The following SPAG6 variants were observed in gnomAD, a reference collection of about 807,000 sequenced individuals.
SPAG6 encodes the protein sperm associated antigen 6.
Under a neutral mutation model 58.5 loss-of-function variants are expected in SPAG6, and 49 were observed. That is an observed-to-expected ratio of 0.84 (90% CI 0.67 to 1.06). The LOEUF (loss-of-function observed/expected upper bound fraction) is 1.06. SPAG6 is among the 50% of genes least tolerant of loss of function. The pLI, the probability that SPAG6 is intolerant of heterozygous loss-of-function variation, is 0.00. For missense variants in SPAG6, 560 were observed against 611.3 expected (o/e 0.92, Z 0.89); for synonymous variants, 233 against 225.6 (o/e 1.03, Z -0.29).
intron 4 of SPAG6, among the ~76,000 whole-genome samples, chr10:22,375,741 G>A (rs1430922410): frequency 6.6e-6 from 1 of 151,822 alleles, no homozygotes; most frequent in Non-Finnish European, 1.5e-5. Context: ...ACCATGCCTG[G>A]CTAATTTTTG....
At chr10:22,376,462 T>C (rs1833815622) in intron 4 of SPAG6, among the ~76,000 whole-genome samples, 1 of 152,230 alleles carries the variant, frequency 6.6e-6, no homozygotes, top group African/African-American at 2.4e-5. Flanking sequence ...AATATTTCTA[T>C]TGGGTAGCAC....
intron 4 of SPAG6, among the ~76,000 whole-genome samples, chr10:22,374,645 G>A (rs985680142): frequency 3.3e-4 from 49 of 150,540 alleles, no homozygotes; most frequent in African/African-American, 1.1e-3. Flanking sequence ...ATGTTGTGGT[G>A]TGCACCTGTG....
intron 2 of SPAG6, among the ~76,000 whole-genome samples, chr10:22,351,252 GTAT>G (rs1836720072): frequency 6.6e-6 from 1 of 152,196 alleles, no homozygotes; most frequent in Non-Finnish European, 1.5e-5. Context: ...AGTGGGAGTA[GTAT>G]TTAGTGTTTA....
chr10:22,349,219 G>GTT (rs1048468677), intron 2 of SPAG6, among the ~76,000 whole-genome samples: 3 of 145,830 alleles, frequency 2.1e-5, no homozygotes, highest in African/African-American at 5.0e-5. Flanking sequence ...ACCTTGAGGT[G>GTT]TTTTTTTTTT....
At chr10:22,348,524 A>G (rs910602128) in intron 2 of SPAG6, among the ~76,000 whole-genome samples, 1 of 152,156 alleles carries the variant, frequency 6.6e-6, no homozygotes, top group African/African-American at 2.4e-5. Context: ...TCCCTCCAAT[A>G]TGCTAAGTAA....
chr10:22,396,372 T>C (rs565875467), intron 8 of SPAG6, among the ~76,000 whole-genome samples: 88 of 152,312 alleles, frequency 5.8e-4, no homozygotes, highest in Middle Eastern at 6.8e-3. Flanking sequence ...TCATTTTCTC[T>C]TGCTGCTGCC....
chr10:22,358,220 A>G (rs1311509616), intron 2 of SPAG6, among the ~76,000 whole-genome samples: 2 of 152,056 alleles, frequency 1.3e-5, no homozygotes, highest in Non-Finnish European at 2.9e-5. Flanking sequence ...AAGTGTTCCT[A>G]TTTCTCCACA....
At chr10:22,401,965 A>C (rs1176676365) in intron 9 of SPAG6, among the ~76,000 whole-genome samples, 2 of 152,176 alleles carry the variant, frequency 1.3e-5, no homozygotes, top group African/African-American at 2.4e-5. Context: ...TGACTTAGGA[A>C]AATGGGGTCT....
chr10:22,391,168 G>A (rs1037500779), intron 7 of SPAG6, among the ~76,000 whole-genome samples: 1 of 152,128 alleles, frequency 6.6e-6, no homozygotes, highest in Non-Finnish European at 1.5e-5. Context: ...ATGTTAAAGT[G>A]GAAAGAACTA....
chr10:22,385,936 G>A (rs1047121135), intron 4 of SPAG6, among the ~76,000 whole-genome samples: 4 of 152,162 alleles, frequency 2.6e-5, no homozygotes, highest in African/African-American at 9.7e-5. Context: ...CTGTAACTGT[G>A]TGTGGTGCTT....
At position 22,401,257 on chromosome 10, in the gene SPAG6, G is replaced by A; in HGVS notation, c.1294G>A (p.Val432Met). Reference protein sequence around the residue: ...YDAPPNILKHVVGQFSKVLPH... With the variant: ...YDAPPNILKHMVGQFSKVLPH... ...TGCTCCTCCCAATATTCTGAAACATGTGGTTGGACAGTTCAGTAAGGTAAG... is the reference window on the plus strand; with the variant it reads ...TGCTCCTCCCAATATTCTGAAACATATGGTTGGACAGTTCAGTAAGGTAAG... Residue 432 changes from valine (V) to methionine (M), a missense_variant, in exon 9 of 11, where the codon GTG becomes ATG. By Grantham distance (21) the Val-to-Met change is conservative. Transcript: ENST00000376624. The A allele has an allele frequency of 1.3e-6, 2 of 1,566,510 alleles. No homozygotes were observed. Among genetic ancestry groups the A allele is most frequent in the Non-Finnish European group, 1.8e-6 (2 of 1,137,032 alleles).
At position 22,416,653 on chromosome 10, in the gene SPAG6, C is replaced by T. The variant is rs747641064; in HGVS notation, c.1495C>T (p.Gln499Ter). ...CCCTGGATATTCAGATACACTTCTG[C>T]AGAGGGTGGACAGCTATCAACCACT... ...YSPGYSDTLL[Q>*]RVDSYQPLNN The change falls in exon 11 of 11, where the codon CAG becomes TAG. Residue 499 changes from glutamine to a stop codon, truncating the protein, a stop_gained. Transcript: ENST00000376624. LOFTEE classifies it high-confidence loss of function. 8.7e-6 allele frequency: 14 copies of T among 1,608,918 alleles called. No homozygotes were observed. Among genetic ancestry groups the T allele is most frequent in the Non-Finnish European group, 1.2e-5 (14 of 1,175,796 alleles).
chr10:22,379,897 C>A (rs1159153632), intron 4 of SPAG6, among the ~76,000 whole-genome samples: 2 of 152,080 alleles, frequency 1.3e-5, no homozygotes, highest in East Asian at 1.9e-4. Flanking sequence ...TGGGCTCAAG[C>A]AATCCTCCCA....
At chr10:22,387,688 G>C (rs534325464) in intron 5 of SPAG6, 135 bp from the exon 6 acceptor site, 203 of 741,366 alleles carry the variant, frequency 2.7e-4, no homozygotes, top group Non-Finnish European at 3.9e-4. Flanking sequence ...AGAAATCTTA[G>C]GCTGTTTAGG....
chr10:22,346,485 TTCTTCTTCTTCTTTCTTCTTCTTCTTCC>T (rs1836549449), intron 2 of SPAG6, among the ~76,000 whole-genome samples: 1 of 139,162 alleles, frequency 7.2e-6, no homozygotes, highest in African/African-American at 3.3e-5. Context: ...CTTCTTCTTC[TTCTTCTTCTTCTTTCTTCTTCTTCTTCC>T]TCTTCTTCTT....
chr10:22,345,825 C>G lies in SPAG6; in HGVS notation c.121+7C>G. 1 of 1,611,592 alleles carries G rather than the reference C, an allele frequency of 6.2e-7. No individual in the cohort carries two copies. Among genetic ancestry groups the G allele is most frequent in the Non-Finnish European group, 8.5e-7 (1 of 1,179,002 alleles). On this transcript the variant is annotated splice_region_variant and intron_variant, in intron 2 of 10. Transcript: ENST00000376624. The surrounding 1 kb of genome is among the most constrained non-coding windows in gnomAD (Gnocchi z 6.3). ...GAGACGCTGCAGAACGCGGGTGAGC[C>G]CGGAGCCCGAACCCCCGTCGCCCCC... is the stretch of plus-strand genomic sequence containing the variant.
chr10:22,385,116 T>C (rs984708472), intron 4 of SPAG6, among the ~76,000 whole-genome samples: 48 of 152,200 alleles, frequency 3.2e-4, no homozygotes, highest in Non-Finnish European at 7.1e-4. Flanking sequence ...AGTCGAATTC[T>C]TAAGCAGAAT....
chr10:22,379,227 G>A (rs1833894838), intron 4 of SPAG6, among the ~76,000 whole-genome samples: 1 of 152,194 alleles, frequency 6.6e-6, no homozygotes, highest in Non-Finnish European at 1.5e-5. Context: ...GCTCTAGTGA[G>A]TCACTGTTGC....
At chr10:22,361,816 T>C (rs1281183157) in intron 2 of SPAG6, among the ~76,000 whole-genome samples, 1 of 151,890 alleles carries the variant, frequency 6.6e-6, no homozygotes, top group African/African-American at 2.4e-5. Flanking sequence ...GATTAAATAC[T>C]ATAATAAACA....
Sources: gnomAD v4.1 joint callset for allele counts (sites outside exome capture counted in the v4.1 genomes callset) on GRCh38, gnomAD v4.1.1 for gene constraint, Gnocchi (gnomAD v3.1) non-coding constraint, MANE v1.5 for transcripts, NCBI Gene and HGNC (gene_info 2026-07-23, HGNC 2026-07-21) for gene names.